The following PIP5K1C variants were observed in gnomAD, a reference collection of about 807,000 sequenced individuals.
PIP5K1C encodes the protein phosphatidylinositol 4-phosphate 5-kinase type-1 gamma.
A neutral mutation model predicts 80.1 loss-of-function variants in PIP5K1C; 45 were observed. That is an observed-to-expected ratio of 0.56 (90% CI 0.44 to 0.72). The LOEUF is 0.72. PIP5K1C is among the 30% of genes least tolerant of loss of function. The probability of loss-of-function intolerance (pLI) is 0.00; values close to 1 mark genes in which losing one functional copy is unlikely to be tolerated. For synonymous variants in PIP5K1C, 498 were observed against 420.1 expected (o/e 1.19, Z -2.27); for missense variants, 753 against 954.6 (o/e 0.79, Z 2.78).
intron 1 of PIP5K1C, among the ~76,000 whole-genome samples, chr19:3,669,262 C>A (rs1172446705): frequency 6.6e-6 from 1 of 152,174 alleles, no homozygotes; most frequent in African/African-American, 2.4e-5. Flanking sequence ...TGCCCTGCTC[C>A]GTAGGGCTCG....
Position 3,633,150 on chromosome 19 carries a change from C to CG in PIP5K1C, c.*16dup. The CG allele has an allele frequency of 1.3e-6, 1 of 745,052 alleles. No homozygotes were observed. 46.2% of individuals were successfully genotyped at this position (745,052 alleles called of 1,614,324 possible). The stretch of plus-strand genomic sequence containing the variant: ...GCAGAAGTGGAGCTCGGCTCTGGGT[C>CG]GGGGGCTGCATAGAAATTACTGCAA... On this transcript the variant is annotated 3_prime_UTR_variant, in exon 18 of 18. Transcript: ENST00000335312.
intron 1 of PIP5K1C, among the ~76,000 whole-genome samples, chr19:3,678,002 G>GAGA (rs2035432336): frequency 1.0e-5 from 1 of 100,122 alleles, no homozygotes; most frequent in Non-Finnish European, 2.2e-5. Context: ...TGGAGGGATG[G>GAGA]ACAGATGGAG....
intron 12 of PIP5K1C, 146 bp downstream of exon 12, chr19:3,643,940 GC>G: frequency 1.0e-6 from 1 of 956,776 alleles, no homozygotes; most frequent in East Asian, 2.6e-5. Context: ...GGTCCCAGCA[GC>G]CCCCACTCCC....
intron 1 of PIP5K1C, among the ~76,000 whole-genome samples, chr19:3,685,392 G>A (rs2035726243): frequency 6.6e-6 from 1 of 152,120 alleles, no homozygotes; most frequent in African/African-American, 2.4e-5. Context: ...TCTAAAGCAG[G>A]GGCTGGTATA....
rs141076498 is a variant in PIP5K1C at position 3,655,060 on chromosome 19, A to T, written c.621+1345T>A. Among the ~76,000 whole-genome samples, 412 of 137,622 alleles carry T rather than the reference A, an allele frequency of 3.0e-3. 4 individuals are homozygous for T. Among genetic ancestry groups the T allele is most frequent in the African/African-American group, 0.011 (388 of 35,848 alleles). 90.3% of individuals were successfully genotyped at this position (137,622 alleles called of 152,430 possible). Reference sequence around the variant, plus strand: ...GAGGCGGAGCTTGCAGTAAGCCAAGATCACGCCAATGCACTCCAGCCTGGG... The same window carrying T: ...GAGGCGGAGCTTGCAGTAAGCCAAGTTCACGCCAATGCACTCCAGCCTGGG... On this transcript the variant is annotated intron_variant, in intron 6 of 17. Transcript: ENST00000335312.
chr19:3,637,861 C>A lies in PIP5K1C; in HGVS notation c.1920+1023G>T. The A allele has an allele frequency of 4.6e-6, 7 of 1,535,328 alleles. No individual in the cohort carries two copies. The highest frequency in any genetic ancestry group is 6.1e-6 in the Non-Finnish European group (7 of 1,146,666). ...CACACAGCACGACATGGCCCCCAGGCCCCCCGTACCATCCGGAGACCAGGA... is the reference window on the plus strand; with the variant it reads ...CACACAGCACGACATGGCCCCCAGGACCCCCGTACCATCCGGAGACCAGGA... On this transcript the variant is annotated intron_variant, in intron 16 of 17. Coordinates refer to ENST00000335312, the MANE Select transcript of PIP5K1C (RefSeq NM_012398.3). This position sits in a 1 kb window ranked among gnomAD's most constrained non-coding sequence, Gnocchi z 7.0.
Position 3,643,264 on chromosome 19 carries a change from G to A in PIP5K1C, c.1628C>T (p.Thr543Met), listed in dbSNP as rs201670126. 1.8e-4 allele frequency: 290 copies of A among 1,613,596 alleles called. 2 individuals carry two copies. In the East Asian group the frequency reaches 6.2e-3, roughly 35 times the overall value. ...LSIPERSPSE[T>M]SEQPRYRRRT... is the part of the protein sequence containing the mutation. ...CCACCTGTACCGCGGCTGCTCCGACGTCTCCGAGGGGGACCGCTCAGGAAT... is the reference window on the plus strand; with the variant it reads ...CCACCTGTACCGCGGCTGCTCCGACATCTCCGAGGGGGACCGCTCAGGAAT... Residue 543 changes from threonine to methionine, a missense_variant, in exon 13 of 18, where the codon ACG (threonine) becomes ATG (methionine). Thr to Met is a moderately conservative substitution (Grantham distance 81). This residue lies in a region of PIP5K1C where 315 missense variants were observed against 294.5 expected (regional missense o/e 1.07). Transcript: ENST00000335312.
chr19:3,682,683 T>C (rs2035623771), intron 1 of PIP5K1C, among the ~76,000 whole-genome samples: 1 of 151,604 alleles, frequency 6.6e-6, no homozygotes, highest in Non-Finnish European at 1.5e-5. Context: ...AGCAAGACTG[T>C]CCCTATAAAA....
chr19:3,650,461 T>A (rs531116542), intron 8 of PIP5K1C, among the ~76,000 whole-genome samples: 1 of 152,366 alleles, frequency 6.6e-6, no homozygotes, highest in Admixed American at 6.5e-5. Flanking sequence ...CGGGGCCATG[T>A]CTGGGGACAT....
rs1288210675 is a variant in PIP5K1C, at chr19:3,692,725, T to G, written c.94+7572A>C. Among the ~76,000 whole-genome samples, 1 of 151,522 alleles carries G rather than the reference T, an allele frequency of 6.6e-6. No individual in the cohort carries two copies. The highest frequency in any genetic ancestry group is 1.5e-5 in the Non-Finnish European group (1 of 67,858). On this transcript the variant is annotated intron_variant, in intron 1 of 17. Coordinates refer to ENST00000335312, the MANE Select transcript of PIP5K1C (RefSeq NM_012398.3). This position sits in a 1 kb window ranked among gnomAD's most constrained non-coding sequence, Gnocchi z 5.2. The stretch of plus-strand genomic sequence containing the variant: ...TGAGCTCCTGAGTCTCGCCCATCCC[T>G]CCTCTGCCCGCAGCCCTCCATGGCT...
At chr19:3,686,895 GA>G (rs1253033729) in intron 1 of PIP5K1C, among the ~76,000 whole-genome samples, 1 of 150,724 alleles carries the variant, frequency 6.6e-6, no homozygotes, top group African/African-American at 2.4e-5. Context: ...AGCAAGCAAA[GA>G]AAAAAACAGA....
At chr19:3,661,413 C>G (rs531732596) in intron 4 of PIP5K1C, among the ~76,000 whole-genome samples, 1 of 152,248 alleles carries the variant, frequency 6.6e-6, no homozygotes, top group South Asian at 2.1e-4. Context: ...AGCAGAAACA[C>G]TGGTCATGTC....
At position 3,637,425 on chromosome 19, in the gene PIP5K1C, C is replaced by T. The variant is rs2145372748; in HGVS notation, c.1920+1459G>A. Reference sequence around the variant, plus strand: ...CAGCCGTGATTTACCCAAAGCCCTTCTGGAAAACAACTGACGTCAGACACT... The same window carrying T: ...CAGCCGTGATTTACCCAAAGCCCTTTTGGAAAACAACTGACGTCAGACACT... On this transcript the variant is annotated intron_variant, in intron 16 of 17. Coordinates refer to ENST00000335312, the MANE Select transcript of PIP5K1C (RefSeq NM_012398.3). This position sits in a 1 kb window ranked among gnomAD's most constrained non-coding sequence, Gnocchi z 7.0. 6.5e-7 allele frequency: 1 copy of T among 1,535,620 alleles called. No individual in the cohort carries two copies. Among genetic ancestry groups the T allele is most frequent in the South Asian group, 1.2e-5 (1 of 84,060 alleles).
At chr19:3,672,231 G>A (rs1457297901) in intron 1 of PIP5K1C, among the ~76,000 whole-genome samples, 2 of 152,238 alleles carry the variant, frequency 1.3e-5, no homozygotes, top group African/African-American at 2.4e-5. Context: ...CATTCTCCAC[G>A]GGGCCACATG....
intron 12 of PIP5K1C, 73 bp downstream of exon 12, chr19:3,644,014 G>A (rs976628355): frequency 1.3e-6 from 2 of 1,538,084 alleles, no homozygotes; most frequent in African/African-American, 1.4e-5. Flanking sequence ...GGATGAGGCG[G>A]CACCCCACCC....
rs1334907777 is a variant in PIP5K1C, at chr19:3,651,052, A to G, written c.1127+774T>C. 1.4e-4 allele frequency among the ~76,000 whole-genome samples: 15 copies of G among 110,316 alleles called. No individual in the cohort carries two copies. The East Asian group carries it at 3.0e-3, about 22-fold the overall frequency. 72.4% of individuals were successfully genotyped at this position (110,316 alleles called of 152,430 possible). A position where few individuals can be genotyped will look rare whatever the true frequency, so the allele number is the denominator to read the frequency against. ...ATTACAGGTGTGAGCCACCGCGCCCAGCGTTTTTTTTTTTTTTTTTAAGAC... is the reference window on the plus strand; with the variant it reads ...ATTACAGGTGTGAGCCACCGCGCCCGGCGTTTTTTTTTTTTTTTTTAAGAC... On this transcript the variant is annotated intron_variant, in intron 8 of 17. Transcript: ENST00000335312.
intron 1 of PIP5K1C, among the ~76,000 whole-genome samples, chr19:3,679,081 A>G (rs1000158283): frequency 2.0e-5 from 3 of 151,974 alleles, no homozygotes; most frequent in African/African-American, 7.3e-5. Context: ...CTACTGCCCA[A>G]TTCTTTCAAC....
intron 3 of PIP5K1C, among the ~76,000 whole-genome samples, chr19:3,664,097 C>T (rs1361376499): frequency 6.6e-6 from 1 of 152,244 alleles, no homozygotes. Flanking sequence ...GGACGCTACA[C>T]TCAGTGAGAG....
chr19:3,693,180 C>T (rs575904116), intron 1 of PIP5K1C, among the ~76,000 whole-genome samples: 4 of 152,304 alleles, frequency 2.6e-5, no homozygotes, highest in South Asian at 2.1e-4. Context: ...GGAAAGCACA[C>T]GTAGACGATG....
Sources: gnomAD v4.1 joint callset for allele counts (sites outside exome capture counted in the v4.1 genomes callset) on GRCh38, gnomAD v4.1.1 for gene constraint, gnomAD v4.1.1 regional missense constraint, Gnocchi (gnomAD v3.1) non-coding constraint, MANE v1.5 for transcripts, NCBI Gene and HGNC (gene_info 2026-07-23, HGNC 2026-07-21) for gene names.